Variants in SRGAP2C observed in about 807,000 individuals in gnomAD.
The protein encoded by SRGAP2C is SLIT-ROBO Rho GTPase-activating protein 2C.
Under a neutral mutation model 25.1 loss-of-function variants are expected in SRGAP2C, and 15 were observed. That is an observed-to-expected ratio of 0.60 (90% CI 0.40 to 0.92). SRGAP2C has a LOEUF of 0.92. Among genes scored for constraint, SRGAP2C ranks in the 40% least tolerant of loss-of-function variants. The pLI is 0.00. For synonymous variants in SRGAP2C, 44 were observed against 96.6 expected (o/e 0.46, Z 3.19); for missense variants, 144 against 264.4 (o/e 0.54, Z 3.16).
At chr1:121,320,937 G>A (rs1658190911) in intron 3 of SRGAP2C, among the ~76,000 whole-genome samples, 5 of 152,128 alleles carry the variant, frequency 3.3e-5, no homozygotes, top group Non-Finnish European at 4.4e-5. Context: ...GCCTTCTATG[G>A]CATGTGATTG....
At chr1:121,315,570 T>C (rs1422300783) in intron 3 of SRGAP2C, among the ~76,000 whole-genome samples, 1 of 151,630 alleles carries the variant, frequency 6.6e-6, no homozygotes, top group African/African-American at 2.4e-5. Context: ...TTTAAAGTTT[T>C]GCCAGTAAAA....
At chr1:121,238,339 C>T (rs1656008056) in intron 2 of SRGAP2C, among the ~76,000 whole-genome samples, 1 of 151,456 alleles carries the variant, frequency 6.6e-6, no homozygotes, top group East Asian at 2.0e-4. Flanking sequence ...GTGCATTGTG[C>T]TAGTTGTTGT....
intron 5 of SRGAP2C, among the ~76,000 whole-genome samples, chr1:121,368,595 G>A (rs1401386854): frequency 6.6e-6 from 1 of 151,916 alleles, no homozygotes; most frequent in Non-Finnish European, 1.5e-5. Flanking sequence ...AGGTTAAAAA[G>A]GGTTAATTGG....
At position 121,379,140 on chromosome 1, in the gene SRGAP2C, G is replaced by A. The variant is rs587632057; in HGVS notation, c.832-3561G>A. ...CTTTGACACCATGTGCACCCAAGTC[G>A]GACATGAGGGAACTTGGCTGTTTCA... On this transcript the variant is annotated intron_variant, in intron 7 of 9. Transcript: ENST00000367123. Among the ~76,000 whole-genome samples the A allele has an allele frequency of 2.5e-3, 383 of 152,306 alleles. 2 individuals are homozygous for A. The highest frequency in any genetic ancestry group is 8.9e-3 in the African/African-American group (370 of 41,556).
At chr1:121,188,255 G>A (rs1654574248) in intron 2 of SRGAP2C, among the ~76,000 whole-genome samples, 1 of 152,178 alleles carries the variant, frequency 6.6e-6, no homozygotes, top group Non-Finnish European at 1.5e-5. Context: ...CGGAAGACAT[G>A]CTTTTAAAGC....
intron 5 of SRGAP2C, among the ~76,000 whole-genome samples, chr1:121,368,328 C>T (rs1392873410): frequency 6.9e-6 from 1 of 145,088 alleles, no homozygotes; most frequent in East Asian, 2.1e-4. Context: ...TGGCATGAAC[C>T]CAGGAGGCAG....
rs1357883447 is a variant in SRGAP2C at position 121,392,426 on chromosome 1, T to C, written c.*4571T>C. ...AATTTTCTCAATTACTAAGAGATGT[T>C]TAAGTACCCTTAGCATGTTAGTAGA... On this transcript the variant is annotated 3_prime_UTR_variant, in exon 10 of 10. Transcript: ENST00000367123. 6.6e-6 allele frequency: 1 copy of C among 152,010 alleles called. No homozygotes were observed. The highest frequency in any genetic ancestry group is 2.4e-5 in the African/African-American group (1 of 41,374). The allele number at this position is 152,010 out of a possible 1,614,324, so 9.4% of individuals were successfully genotyped here.
chr1:121,384,665 GA>G (rs1659916552), intron 8 of SRGAP2C, among the ~76,000 whole-genome samples: 1 of 126,844 alleles, frequency 7.9e-6, no homozygotes, highest in Non-Finnish European at 1.7e-5. Flanking sequence ...GTTAGTGACT[GA>G]GTTGCCTTCT....
chr1:121,282,837 C>T (rs1455429516), intron 2 of SRGAP2C, among the ~76,000 whole-genome samples: 3 of 150,532 alleles, frequency 2.0e-5, no homozygotes, highest in African/African-American at 2.4e-5. Context: ...GGATTACAGG[C>T]GTGAGCCACC....
chr1:121,232,738 G>T (rs1416537018), intron 2 of SRGAP2C, among the ~76,000 whole-genome samples: 1 of 152,182 alleles, frequency 6.6e-6, no homozygotes, highest in Non-Finnish European at 1.5e-5. Flanking sequence ...TGGGTTAAGG[G>T]AAGTTCAAGT....
chr1:121,279,316 G>A (rs1225108553), intron 2 of SRGAP2C, among the ~76,000 whole-genome samples: 2 of 150,280 alleles, frequency 1.3e-5, no homozygotes, highest in Non-Finnish European at 3.0e-5. Flanking sequence ...AATTTTGAAA[G>A]GAGGAAAGAA....
intron 3 of SRGAP2C, among the ~76,000 whole-genome samples, chr1:121,308,562 G>A (rs1657902952): frequency 6.6e-6 from 1 of 150,530 alleles, no homozygotes; most frequent in Non-Finnish European, 1.5e-5. Flanking sequence ...GATTGCTTGA[G>A]CCCAGGAGTT....
intron 4 of SRGAP2C, among the ~76,000 whole-genome samples, chr1:121,335,287 G>A (rs2101619682): frequency 6.8e-6 from 1 of 146,456 alleles, no homozygotes; most frequent in South Asian, 2.2e-4. Context: ...TTTGCAGTGA[G>A]CTGAGATTGT....
chr1:121,191,634 C>A (rs1654679999), intron 2 of SRGAP2C, among the ~76,000 whole-genome samples: 1 of 151,342 alleles, frequency 6.6e-6, no homozygotes, highest in South Asian at 2.1e-4. Context: ...AGGTGCAGGG[C>A]ATGGTTACCA....
intron 7 of SRGAP2C, among the ~76,000 whole-genome samples, chr1:121,377,250 G>C (rs1477541806): frequency 1.1e-5 from 1 of 88,340 alleles, no homozygotes; most frequent in Non-Finnish European, 2.2e-5. Context: ...TAGTAATAAA[G>C]TTTCTCATGT....
intron 2 of SRGAP2C, among the ~76,000 whole-genome samples, chr1:121,206,509 G>C (rs1655112870): frequency 6.6e-6 from 1 of 152,014 alleles, no homozygotes; most frequent in Non-Finnish European, 1.5e-5. Flanking sequence ...GAAGTGTGAT[G>C]AAGTCATTTC....
At chr1:121,308,881 G>A (rs1329577841) in intron 3 of SRGAP2C, among the ~76,000 whole-genome samples, 3 of 140,184 alleles carry the variant, frequency 2.1e-5, no homozygotes, top group Non-Finnish European at 4.6e-5. Flanking sequence ...GGAGGTTGCG[G>A]TGAGCCGAGA....
At chr1:121,217,234 A>T (rs587694369) in intron 2 of SRGAP2C, among the ~76,000 whole-genome samples, 1 of 151,690 alleles carries the variant, frequency 6.6e-6, no homozygotes, top group African/African-American at 2.4e-5. Flanking sequence ...CTCATTGAGG[A>T]TCCCATCAGT....
intron 2 of SRGAP2C, among the ~76,000 whole-genome samples, chr1:121,254,770 G>T (rs1656418788): frequency 6.6e-6 from 1 of 150,584 alleles, no homozygotes; most frequent in Admixed American, 6.6e-5. Flanking sequence ...ACATTTGACT[G>T]CATTCATCTC....
Sources: allele counts gnomAD v4.1 joint callset (sites outside exome capture counted in the v4.1 genomes callset), GRCh38; gene constraint gnomAD v4.1.1; transcripts MANE v1.5; gene names NCBI Gene and HGNC (gene_info 2026-07-23, HGNC 2026-07-21).